Variants in ZNRF3 observed in about 807,000 individuals in gnomAD.
ZNRF3 encodes zinc and ring finger 3, also known as E3 ubiquitin-protein ligase ZNRF3.
Under a neutral mutation model 72.5 loss-of-function variants are expected in ZNRF3, and 23 were observed. That is an observed-to-expected ratio of 0.32 (90% CI 0.23 to 0.45). The LOEUF is 0.45. Among genes scored for constraint, ZNRF3 ranks in the 20% least tolerant of loss-of-function variants. ZNRF3 has a pLI of 1.00. For synonymous variants in ZNRF3, 610 were observed against 545.3 expected, an observed-to-expected ratio of 1.12 and a Z score of -1.65; for missense variants, 1,169 against 1,272.1, an observed-to-expected ratio of 0.92 and a Z score of 1.23.
chr22:29,036,164 T>G (rs1291189794), intron 2 of ZNRF3, among the ~76,000 whole-genome samples: 1 of 152,198 alleles, frequency 6.6e-6, no homozygotes, highest in East Asian at 1.9e-4. Flanking sequence ...AATTTCTGAG[T>G]TATTTTAAAT....
intron 1 of ZNRF3, among the ~76,000 whole-genome samples, chr22:28,885,930 CAAAA>C (rs5844826): frequency 7.9e-6 from 1 of 126,534 alleles, no homozygotes; most frequent in African/African-American, 2.8e-5. Flanking sequence ...TTAGCCTAGC[CAAAA>C]AAAAAAAAAA....
intron 1 of ZNRF3, among the ~76,000 whole-genome samples, chr22:28,944,249 A>G (rs940020015): frequency 1.7e-4 from 25 of 150,950 alleles, no homozygotes; most frequent in Non-Finnish European, 3.1e-4. Context: ...TTGTTTGATT[A>G]TATAGTCTTT....
intron 8 of ZNRF3, 118 bp downstream of exon 8, chr22:29,051,066 G>C: frequency 5.1e-6 from 6 of 1,176,444 alleles, no homozygotes; most frequent in Non-Finnish European, 7.0e-6. Flanking sequence ...AACACCATCT[G>C]AGGCTGAAGA....
chr22:29,007,752 C>CTTTTTT (rs943507617), intron 2 of ZNRF3, among the ~76,000 whole-genome samples: 1,312 of 43,458 alleles, frequency 0.03, 47 homozygotes, highest in African/African-American at 0.037. Context: ...CCATTTCTTC[C>CTTTTTT]TTTTTTTTTT....
intron 1 of ZNRF3, among the ~76,000 whole-genome samples, chr22:28,893,482 TTTTC>T (rs1238646512): frequency 7.2e-5 from 11 of 152,042 alleles, no homozygotes; most frequent in Non-Finnish European, 1.5e-4. Flanking sequence ...GCATTGGTAA[TTTTC>T]TTTCTTTCTT....
chr22:28,953,905 C>T (rs188796936), intron 1 of ZNRF3, among the ~76,000 whole-genome samples: 6 of 152,236 alleles, frequency 3.9e-5, no homozygotes, highest in African/African-American at 1.4e-4. Context: ...CACCTTGGCA[C>T]TTATTTGTAT....
At position 29,043,377 on chromosome 22, in the gene ZNRF3, A is replaced by G. The variant is rs1449514701; in HGVS notation, c.580A>G (p.Ile194Val). ...TGCAGATGCCATTAAGCTGATGAAC[A>G]TCGTCAACAAGCAGAAAGTGGCTCG... ...KGADAIKLMN[I>V]VNKQKVARAR... Residue 194 changes from isoleucine to valine, a missense_variant, in exon 4 of 9, where the codon ATC (isoleucine) becomes GTC (valine). Around this residue, in one of 2 missense-constraint regions of ZNRF3, gnomAD observed 386 missense variants for 540.7 expected, o/e 0.71. Transcript: ENST00000544604. 1.9e-6 allele frequency: 3 copies of G among 1,613,966 alleles called. No homozygotes were observed. The highest frequency in any genetic ancestry group is 1.1e-5 in the South Asian group (1 of 91,068).
intron 8 of ZNRF3, among the ~76,000 whole-genome samples, chr22:29,052,791 T>G (rs1190542452): frequency 6.6e-6 from 1 of 151,434 alleles, no homozygotes; most frequent in East Asian, 1.9e-4. Flanking sequence ...CTGGGGAACA[T>G]AGAATGACCC....
chr22:28,983,216 G>A (rs999259874), intron 1 of ZNRF3, among the ~76,000 whole-genome samples: 1 of 152,130 alleles, frequency 6.6e-6, no homozygotes, highest in Non-Finnish European at 1.5e-5. Flanking sequence ...CCCAGTGTCA[G>A]GAAGATTTGA....
At chr22:29,035,871 C>T (rs527516278) in intron 2 of ZNRF3, among the ~76,000 whole-genome samples, 25 of 152,262 alleles carry the variant, frequency 1.6e-4, no homozygotes, top group Admixed American at 1.2e-3. Context: ...TGAGCCACTG[C>T]GCCCGGCCTT....
intron 1 of ZNRF3, among the ~76,000 whole-genome samples, chr22:28,885,541 G>T (rs191229777): frequency 6.7e-6 from 1 of 148,434 alleles, no homozygotes; most frequent in African/African-American, 2.5e-5. Context: ...TTTCTTTGAG[G>T]CTTTCATTGT....
At chr22:28,977,959 A>G (rs1276486878) in intron 1 of ZNRF3, among the ~76,000 whole-genome samples, 2 of 152,294 alleles carry the variant, frequency 1.3e-5, no homozygotes, top group South Asian at 2.1e-4. Flanking sequence ...TTTTCTCCAG[A>G]TATTTAACCT....
At chr22:28,963,725 C>A (rs1352347872) in intron 1 of ZNRF3, among the ~76,000 whole-genome samples, 1 of 152,182 alleles carries the variant, frequency 6.6e-6, no homozygotes, top group Non-Finnish European at 1.5e-5. Flanking sequence ...AGGACAGTTT[C>A]TTGACTATTC....
At chr22:28,938,177 A>G (rs896814683) in intron 1 of ZNRF3, among the ~76,000 whole-genome samples, 3 of 152,152 alleles carry the variant, frequency 2.0e-5, no homozygotes, top group African/African-American at 4.8e-5. Flanking sequence ...ATATATTTAT[A>G]TACACATGTA....
intron 1 of ZNRF3, among the ~76,000 whole-genome samples, chr22:28,887,273 T>C (rs1024329404): frequency 7.3e-5 from 11 of 151,254 alleles, no homozygotes; most frequent in African/African-American, 2.7e-4. Context: ...TGTGTGTGTA[T>C]ACATATATTT....
At chr22:29,006,787 G>A (rs2036258135) in intron 2 of ZNRF3, among the ~76,000 whole-genome samples, 1 of 152,200 alleles carries the variant, frequency 6.6e-6, no homozygotes, top group Admixed American at 6.5e-5. Flanking sequence ...TTGCAGACTT[G>A]AAGCTTCCAT....
intron 1 of ZNRF3, among the ~76,000 whole-genome samples, chr22:28,900,722 A>T (rs2034086276): frequency 6.6e-6 from 1 of 152,218 alleles, no homozygotes; most frequent in Non-Finnish European, 1.5e-5. Context: ...AGAGGGAGGC[A>T]GTCCAATGAT....
At chr22:28,929,783 T>C (rs1418060779) in intron 1 of ZNRF3, among the ~76,000 whole-genome samples, 1 of 152,132 alleles carries the variant, frequency 6.6e-6, no homozygotes, top group African/African-American at 2.4e-5. Flanking sequence ...GGTTGGGTAA[T>C]TGAAAAAGGT....
chr22:29,008,044 C>T (rs2036289349), intron 2 of ZNRF3, among the ~76,000 whole-genome samples: 1 of 152,138 alleles, frequency 6.6e-6, no homozygotes, highest in South Asian at 2.1e-4. Context: ...GCATGAGCCA[C>T]GGCGCCCGGC....
Sources: gnomAD v4.1 joint callset for allele counts (sites outside exome capture counted in the v4.1 genomes callset) on GRCh38, gnomAD v4.1.1 for gene constraint, gnomAD v4.1.1 regional missense constraint, MANE v1.5 for transcripts, NCBI Gene and HGNC (gene_info 2026-07-23, HGNC 2026-07-21) for gene names.